Variants in TEAD1 observed in about 807,000 individuals in gnomAD.
The protein encoded by TEAD1 is transcriptional enhancer factor TEF-1.
A neutral mutation model predicts 54.9 loss-of-function variants in TEAD1; 9 were observed. The ratio of observed to expected loss-of-function variants is 0.16; its 90% confidence interval spans 0.10 to 0.29. The LOEUF is 0.29. Among genes scored for constraint, TEAD1 ranks in the 10% least tolerant of loss-of-function variants. The pLI, the probability that TEAD1 is intolerant of heterozygous loss-of-function variation, is 1.00. For synonymous variants in TEAD1, 200 were observed against 187.8 expected (o/e 1.07, Z -0.53); for missense variants, 387 against 535.9 (o/e 0.72, Z 2.74).
intron 3 of TEAD1, among the ~76,000 whole-genome samples, chr11:12,765,232 A>AC (rs34579841): frequency 1.3e-5 from 2 of 152,116 alleles, no homozygotes; most frequent in South Asian, 4.2e-4. Flanking sequence ...GGGTTTGGGC[A>AC]CCCCCTAACT....
chr11:12,727,036 T>TC (rs987646943), intron 2 of TEAD1, among the ~76,000 whole-genome samples: 27 of 151,958 alleles, frequency 1.8e-4, no homozygotes, highest in African/African-American at 6.5e-4. Context: ...GGTCAGGAGT[T>TC]CAAGACCAGC....
At chr11:12,793,707 A>G (rs1482897497) in intron 3 of TEAD1, among the ~76,000 whole-genome samples, 2 of 152,198 alleles carry the variant, frequency 1.3e-5, no homozygotes, top group Non-Finnish European at 2.9e-5. Flanking sequence ...GTTAGGAAAA[A>G]GGCATGTAGG....
At position 12,674,474 on chromosome 11, in the gene TEAD1, C is replaced by T. The variant is rs1298543540; in HGVS notation, c.-568C>T. The T allele has an allele frequency of 6.6e-6, 1 of 151,948 alleles. No individual in the cohort carries two copies. The highest frequency in any genetic ancestry group is 1.5e-5 in the Non-Finnish European group (1 of 68,274). 9.4% of individuals were successfully genotyped at this position (151,948 alleles called of 1,614,324 possible). On this transcript the variant is annotated 5_prime_UTR_variant, in exon 1 of 13. Transcript: ENST00000527636. Reference sequence around the variant, plus strand: ...CCGCGCCGCGCCGCCTGAGCCGAGCCGAGCCTCTGCTGCCGCCGCCGCGGC... The same window carrying T: ...CCGCGCCGCGCCGCCTGAGCCGAGCTGAGCCTCTGCTGCCGCCGCCGCGGC...
At chr11:12,737,669 T>G (rs1944564813) in intron 2 of TEAD1, among the ~76,000 whole-genome samples, 1 of 152,204 alleles carries the variant, frequency 6.6e-6, no homozygotes, top group Non-Finnish European at 1.5e-5. Context: ...GCATGCCTTT[T>G]AGTGTCACTC....
At chr11:12,734,669 T>C (rs1002173050) in intron 2 of TEAD1, among the ~76,000 whole-genome samples, 2 of 152,224 alleles carry the variant, frequency 1.3e-5, no homozygotes, top group African/African-American at 4.8e-5. Context: ...ATACTTACCA[T>C]TGAGTTACAA....
chr11:12,863,361 A>G (rs1031102805), intron 4 of TEAD1, among the ~76,000 whole-genome samples: 2 of 152,170 alleles, frequency 1.3e-5, no homozygotes, highest in Non-Finnish European at 2.9e-5. Flanking sequence ...GGGGGATGCT[A>G]GTGGCCCTCG....
chr11:12,677,874 A>T (rs1328417757), intron 2 of TEAD1, among the ~76,000 whole-genome samples: 4 of 152,178 alleles, frequency 2.6e-5, no homozygotes, highest in Non-Finnish European at 5.9e-5. Flanking sequence ...TTTTCTCTCT[A>T]ATCTCATGTG....
At chr11:12,881,749 C>T in intron 7 of TEAD1, 147 bp from the exon 8 acceptor site, 2 of 776,528 alleles carry the variant, frequency 2.6e-6, no homozygotes, top group South Asian at 2.9e-5. Context: ...TATGGAACAA[C>T]TGCCTCTGCC....
chr11:12,820,985 T>A (rs781577388), intron 3 of TEAD1, among the ~76,000 whole-genome samples: 16 of 152,190 alleles, frequency 1.1e-4, no homozygotes, highest in Non-Finnish European at 2.2e-4. Context: ...TTGCAGCACT[T>A]TGGGGGCTCT....
intron 10 of TEAD1, among the ~76,000 whole-genome samples, chr11:12,922,051 C>G (rs1054132153): frequency 6.6e-6 from 1 of 152,092 alleles, no homozygotes; most frequent in Non-Finnish European, 1.5e-5. Flanking sequence ...AGATTGGAAA[C>G]CAGTAAAAGG....
intron 3 of TEAD1, among the ~76,000 whole-genome samples, chr11:12,813,777 G>T (rs940365406): frequency 1.3e-5 from 2 of 152,174 alleles, no homozygotes; most frequent in East Asian, 1.9e-4. Flanking sequence ...GGTGGCAGTG[G>T]TGCCAGGGGG....
At chr11:12,786,957 G>A (rs1945690017) in intron 3 of TEAD1, among the ~76,000 whole-genome samples, 1 of 152,200 alleles carries the variant, frequency 6.6e-6, no homozygotes, top group Non-Finnish European at 1.5e-5. Context: ...TGCCTCATGT[G>A]TTTGAGGACT....
In TEAD1 at chr11:12,698,268, A is replaced by G. The variant is rs7105877; in HGVS notation, c.-55+22707A>G. Among the ~76,000 whole-genome samples the G allele has an allele frequency of 9.8e-3, 1,487 of 152,168 alleles. 25 individuals are homozygous for G. Among genetic ancestry groups the G allele is most frequent in the African/African-American group, 0.033 (1,380 of 41,506 alleles). ...AGCCATGGCTGAAATGCTTCCTGCC[A>G]TGCCTGCTCCTTCCTTGCTGCGCTC... On this transcript the variant is annotated intron_variant, in intron 2 of 12. Coordinates refer to ENST00000527636, the MANE Select transcript of TEAD1 (RefSeq NM_021961.6).
At chr11:12,919,811 T>C (rs1948771999) in intron 10 of TEAD1, among the ~76,000 whole-genome samples, 3 of 152,198 alleles carry the variant, frequency 2.0e-5, no homozygotes, top group African/African-American at 7.2e-5. Flanking sequence ...TATATATGTA[T>C]GTATACAACA....
intron 3 of TEAD1, among the ~76,000 whole-genome samples, chr11:12,825,056 A>G (rs1946622644): frequency 6.6e-6 from 1 of 152,128 alleles, no homozygotes; most frequent in South Asian, 2.1e-4. Context: ...TTTTATTTGT[A>G]TGTGATCATG....
intron 7 of TEAD1, 75 bp downstream of exon 7, chr11:12,881,126 C>G: frequency 6.6e-7 from 1 of 1,519,416 alleles, no homozygotes. Context: ...CTTCCTGGAC[C>G]ATAGTGTCTC....
At chr11:12,841,575 G>C (rs537741716) in intron 3 of TEAD1, among the ~76,000 whole-genome samples, 2 of 152,172 alleles carry the variant, frequency 1.3e-5, no homozygotes, top group Non-Finnish European at 2.9e-5. Flanking sequence ...CCTCCAGGCT[G>C]CTGTCATGGT....
At chr11:12,812,982 C>T (rs1043170987) in intron 3 of TEAD1, among the ~76,000 whole-genome samples, 2 of 152,336 alleles carry the variant, frequency 1.3e-5, no homozygotes, top group Middle Eastern at 3.4e-3. Context: ...TAGTGACTGT[C>T]GTGTCTGTCT....
At chr11:12,913,493 C>G (rs1465612390) in intron 10 of TEAD1, among the ~76,000 whole-genome samples, 7 of 152,218 alleles carry the variant, frequency 4.6e-5, no homozygotes, top group Non-Finnish European at 7.4e-5. Flanking sequence ...GGATTATGCT[C>G]CAAGTGTTTC....
Sources: gnomAD v4.1 joint callset for allele counts (sites outside exome capture counted in the v4.1 genomes callset) on GRCh38, gnomAD v4.1.1 for gene constraint, MANE v1.5 for transcripts, NCBI Gene and HGNC (gene_info 2026-07-23, HGNC 2026-07-21) for gene names.